The following HTT variants were observed in gnomAD, a reference collection of about 807,000 sequenced individuals.
HTT encodes the protein huntington disease protein.
Under a neutral mutation model 362.3 loss-of-function variants are expected in HTT, and 104 were observed. The ratio of observed to expected loss-of-function variants is 0.29; its 90% confidence interval spans 0.24 to 0.34. The LOEUF is 0.34. HTT is among the 10% of genes least tolerant of loss of function. HTT has a pLI of 1.00. For missense variants in HTT, 3,301 were observed against 3,928.6 expected (o/e 0.84, Z 4.27); for synonymous variants, 1,577 against 1,548.7 (o/e 1.02, Z -0.43).
Position 3,209,946 on chromosome 4 carries a change from C to T in HTT, c.6411C>T (p.Asn2137=), listed in dbSNP as rs753152305. ...PAEDMNAFMM[N]SEFNLSLLAP... is the part of the protein sequence containing the mutation. ...AAGATATGAATGCCTTCATGATGAA[C>T]TCGGTACGGGGGGAGCAGTGGAGGC... Residue 2137 remains asparagine, a synonymous_variant, in exon 47 of 67, where the codon AAC becomes AAT. Transcript: ENST00000355072. 1 of 1,613,772 alleles carries T rather than the reference C, an allele frequency of 6.2e-7. No individual in the cohort carries two copies. The highest frequency in any genetic ancestry group is 1.7e-5 in the Admixed American group (1 of 60,018).
At chr4:3,217,716 T>C in intron 51 of HTT, 49 bp from the exon 52 acceptor site, 6 of 1,490,040 alleles carry the variant, frequency 4.0e-6, no homozygotes, top group Non-Finnish European at 5.5e-6. Context: ...ACACTGGGCA[T>C]ATAGGATGTG....
At chr4:3,198,742 A>G (rs1258180854) in intron 40 of HTT, among the ~76,000 whole-genome samples, 1 of 152,204 alleles carries the variant, frequency 6.6e-6, no homozygotes, top group African/African-American at 2.4e-5. Flanking sequence ...TGGAGCCCTG[A>G]GAAGGATGCT....
At chr4:3,154,011 GCCTGGGGGCTC>G (rs1717026036) in intron 26 of HTT, among the ~76,000 whole-genome samples, 1 of 152,184 alleles carries the variant, frequency 6.6e-6, no homozygotes, top group Non-Finnish European at 1.5e-5. Context: ...GAGGGCATGG[GCCTGGGGGCTC>G]CCTGAGGGCT....
chr4:3,196,512 C>T (rs951980150), intron 40 of HTT, among the ~76,000 whole-genome samples: 1 of 152,090 alleles, frequency 6.6e-6, no homozygotes, highest in East Asian at 1.9e-4. Context: ...CCAAGGTGGG[C>T]AGATTGCTTG....
intron 6 of HTT, among the ~76,000 whole-genome samples, chr4:3,107,952 T>C (rs537717157): frequency 2.5e-4 from 38 of 152,240 alleles, no homozygotes; most frequent in Non-Finnish European, 5.0e-4. Flanking sequence ...GGTAGGTCAG[T>C]CCTGGGTTTG....
intron 1 of HTT, among the ~76,000 whole-genome samples, chr4:3,085,485 A>AT (rs1448911994): frequency 6.6e-6 from 1 of 152,148 alleles, no homozygotes; most frequent in Non-Finnish European, 1.5e-5. Flanking sequence ...ACCAAAAGTG[A>AT]TTGAAAAGCC....
At position 3,235,294 on chromosome 4, in the gene HTT, A is replaced by T; in HGVS notation, c.8467A>T (p.Ile2823Phe). The T allele has an allele frequency of 6.2e-7, 1 of 1,612,854 alleles. No individual in the cohort carries two copies. Among genetic ancestry groups the T allele is most frequent in the Non-Finnish European group, 8.5e-7 (1 of 1,178,976 alleles). Residue 2823 changes from isoleucine to phenylalanine, a missense_variant, in exon 62 of 67, where the codon ATT becomes TTT. Around this residue, in one of 4 missense-constraint regions of HTT, gnomAD observed 753 missense variants for 1,021.3 expected, o/e 0.74. Coordinates refer to ENST00000355072, the MANE Select transcript of HTT (RefSeq NM_001388492.1). ...NLKGIAHCVN[I>F]HSQQHVLVMC... ...GTCTCCCGTTTTCAGCTGCGTGAAC[A>T]TTCACAGCCAGCAGCACGTACTGGT...
chr4:3,212,421 C>T (rs1720203157), intron 48 of HTT, 143 bp from the exon 49 acceptor site: 1 of 1,119,114 alleles, frequency 8.9e-7, no homozygotes, highest in Non-Finnish European at 1.3e-6. Flanking sequence ...CACGTGCAGT[C>T]CTGTGGACGG....
rs572153647 is a variant in HTT at position 3,118,007 on chromosome 4, A to G, written c.1068+1744A>G. On this transcript the variant is annotated intron_variant, in intron 8 of 66. Coordinates refer to ENST00000355072, the MANE Select transcript of HTT (RefSeq NM_001388492.1). ...TAAGGATTGTAAATCTCTTTGATGA[A>G]CTGGTTCCCCTCCATCCCAGTTTTT... Among the ~76,000 whole-genome samples, 23 of 152,356 alleles carry G rather than the reference A, an allele frequency of 1.5e-4. No homozygotes were observed. The South Asian group carries it at 3.7e-3, about 25-fold the overall frequency.
Position 3,206,332 on chromosome 4 carries a change from T to A in HTT, c.5719-164T>A, listed in dbSNP as rs1719852093. Among the ~76,000 whole-genome samples the A allele has an allele frequency of 6.6e-6, 1 of 152,254 alleles. No individual in the cohort carries two copies. The highest frequency in any genetic ancestry group is 1.5e-5 in the Non-Finnish European group (1 of 68,044). ...GGTGACGGCCTTGGTAAATCGAGTTTCCTACCTCCTCAATTATTTGTGCTC... is the reference window on the plus strand; with the variant it reads ...GGTGACGGCCTTGGTAAATCGAGTTACCTACCTCCTCAATTATTTGTGCTC... On this transcript the variant is annotated intron_variant, in intron 42 of 66. Transcript: ENST00000355072. The surrounding 1 kb of genome is among the most constrained non-coding windows in gnomAD (Gnocchi z 4.6).
At chr4:3,239,469 GC>G (rs1260559004) in intron 66 of HTT, among the ~76,000 whole-genome samples, 1 of 152,218 alleles carries the variant, frequency 6.6e-6, no homozygotes, top group Non-Finnish European at 1.5e-5. Flanking sequence ...GAGCCTCCAA[GC>G]AGCACAGTTG....
chr4:3,187,811 G>A lies in HTT; in HGVS notation c.5150G>A (p.Gly1717Glu), dbSNP rs1356021854. The A allele has an allele frequency of 4.3e-6, 7 of 1,613,288 alleles. No homozygotes were observed. The highest frequency in any genetic ancestry group is 5.9e-6 in the Non-Finnish European group (7 of 1,179,390). Residue 1717 changes from glycine to glutamate, a missense_variant, in exon 39 of 67, where the codon GGG becomes GAG. Gly to Glu is a moderately conservative substitution (Grantham distance 98). Around this residue, in one of 4 missense-constraint regions of HTT, gnomAD observed 2,316 missense variants for 2,658.5 expected, o/e 0.87. Coordinates refer to ENST00000355072, the MANE Select transcript of HTT (RefSeq NM_001388492.1). Reference sequence around the variant, plus strand: ...ACAGTAATTAATAGGTTAAGAGATGGGGACAGTACTTCAACGCTAGAAGAA... The same window carrying A: ...ACAGTAATTAATAGGTTAAGAGATGAGGACAGTACTTCAACGCTAGAAGAA... Reference protein sequence around the residue: ...SCTVINRLRDGDSTSTLEEHS... With the variant: ...SCTVINRLRDEDSTSTLEEHS...
At chr4:3,117,857 G>A (rs975897425) in intron 8 of HTT, among the ~76,000 whole-genome samples, 4 of 152,106 alleles carry the variant, frequency 2.6e-5, no homozygotes, top group South Asian at 2.1e-4. Flanking sequence ...GCAAAACAAC[G>A]TCACAAAACA....
In HTT at chr4:3,240,091, G is replaced by C. The variant is rs550957192; in HGVS notation, c.*32G>C. 1 of 1,532,942 alleles carries C rather than the reference G, an allele frequency of 6.5e-7. No individual in the cohort carries two copies. Among genetic ancestry groups the C allele is most frequent in the African/African-American group, 1.4e-5 (1 of 73,444 alleles). The allele number at this position is 1,532,942 out of a possible 1,614,324, so 95.0% of individuals were successfully genotyped here. ...TGGTGGGAGAGACTGTGAGGCGGCA[G>C]CTGGGGCCGGAGCCTTTGGAAGTCT... On this transcript the variant is annotated 3_prime_UTR_variant, in exon 67 of 67. Coordinates refer to ENST00000355072, the MANE Select transcript of HTT (RefSeq NM_001388492.1).
chr4:3,095,633 C>T (rs1713819632), intron 2 of HTT, among the ~76,000 whole-genome samples: 1 of 152,152 alleles, frequency 6.6e-6, no homozygotes, highest in Admixed American at 6.5e-5. Flanking sequence ...TTCTTTTAAG[C>T]CACATAGTTT....
At chr4:3,239,028 G>T in intron 66 of HTT, 50 bp downstream of exon 66, 1 of 1,533,032 alleles carries the variant, frequency 6.5e-7, no homozygotes. Context: ...TGTCAACACC[G>T]AGGCTCATGT....
chr4:3,148,272 T>G, intron 26 of HTT, 65 bp downstream of exon 26: 1 of 1,181,110 alleles, frequency 8.5e-7, no homozygotes, highest in East Asian at 2.6e-5. Flanking sequence ...AGACTACCTT[T>G]GTTTAGTAAT....
At chr4:3,177,298 T>C (rs767766834) in intron 33 of HTT, 34 bp from the exon 34 acceptor site, 5 of 1,421,044 alleles carry the variant, frequency 3.5e-6, no homozygotes, top group Non-Finnish European at 4.9e-6. Context: ...TTTAATCCTA[T>C]TATTGATGTG....
chr4:3,077,717 T>A (rs1387890263), intron 1 of HTT, among the ~76,000 whole-genome samples: 4 of 152,176 alleles, frequency 2.6e-5, no homozygotes, highest in African/African-American at 9.7e-5. Flanking sequence ...CATGCCTGGC[T>A]AGAATAATAA....
Sources: allele counts gnomAD v4.1 joint callset (sites outside exome capture counted in the v4.1 genomes callset), GRCh38; gene constraint gnomAD v4.1.1; regional missense constraint gnomAD v4.1.1; non-coding constraint Gnocchi (gnomAD v3.1); transcripts MANE v1.5; gene names NCBI Gene and HGNC (gene_info 2026-07-23, HGNC 2026-07-21).